AHRR: variants seen among roughly 807,000 people sequenced by gnomAD.
AHRR encodes the protein ahR repressor.
Under a neutral mutation model 44.0 loss-of-function variants are expected in AHRR, and 28 were observed. The observed-to-expected ratio is 0.64, with a 90% confidence interval of 0.47 to 0.87. The LOEUF (loss-of-function observed/expected upper bound fraction) is 0.87. AHRR is among the 40% of genes least tolerant of loss of function. The pLI is 0.00. For synonymous variants in AHRR, 434 were observed against 407.0 expected (o/e 1.07, Z -0.80); for missense variants, 990 against 953.9 (o/e 1.04, Z -0.50).
chr5:346,846 G>A (rs1231637184), intron 2 of AHRR, among the ~76,000 whole-genome samples: 3 of 152,198 alleles, frequency 2.0e-5, no homozygotes, highest in Non-Finnish European at 4.4e-5. Context: ...AGCTTGCTGT[G>A]CCGTGAGTAG....
Position 376,736 on chromosome 5 carries a change from C to A in AHRR, c.351+20C>A. 6.3e-7 allele frequency: 1 copy of A among 1,581,896 alleles called. No individual in the cohort carries two copies. Among genetic ancestry groups the A allele is most frequent in the Non-Finnish European group, 8.6e-7 (1 of 1,161,406 alleles). On this transcript the variant is annotated intron_variant, in intron 4 of 10. Transcript: ENST00000684583. The stretch of plus-strand genomic sequence containing the variant: ...TTGGAGGTGAGTGCCACCCTTGGTA[C>A]CTCGAACACTTGACACTTGGTTCTC...
At chr5:382,325 A>G (rs551183322) in intron 4 of AHRR, among the ~76,000 whole-genome samples, 1 of 152,360 alleles carries the variant, frequency 6.6e-6, no homozygotes, top group South Asian at 2.1e-4. Context: ...AGATTTTTAA[A>G]CCATGAATTC....
At chr5:336,550 T>C (rs1471176233) in intron 1 of AHRR, among the ~76,000 whole-genome samples, 1 of 152,250 alleles carries the variant, frequency 6.6e-6, no homozygotes, top group Non-Finnish European at 1.5e-5. Flanking sequence ...TAGACCCTTA[T>C]CAGATAACAT....
chr5:365,721 T>C (rs1203141064), intron 3 of AHRR, among the ~76,000 whole-genome samples: 1 of 152,088 alleles, frequency 6.6e-6, no homozygotes, highest in Non-Finnish European at 1.5e-5. Context: ...AGAGGAGCTA[T>C]TATGAACAAA....
At chr5:413,516 G>C (rs1195304832) in intron 5 of AHRR, 83 bp downstream of exon 5, 1 of 1,089,770 alleles carries the variant, frequency 9.2e-7, no homozygotes, top group Middle Eastern at 2.0e-4. Context: ...GTCAAGGTTT[G>C]ATAATGTGTA....
intron 4 of AHRR, among the ~76,000 whole-genome samples, chr5:385,267 T>C (rs1054545305): frequency 3.9e-5 from 6 of 152,084 alleles, no homozygotes; most frequent in Non-Finnish European, 8.8e-5. Context: ...CTTGAACTCT[T>C]GGACTCAAGA....
intron 1 of AHRR, 35 bp from the exon 2 acceptor site, chr5:343,858 G>A: frequency 6.3e-7 from 1 of 1,575,294 alleles, no homozygotes; most frequent in Admixed American, 1.8e-5. Flanking sequence ...CGCACGTGGC[G>A]CGTTCCGGTG....
At chr5:377,000 T>C (rs1456007650) in intron 4 of AHRR, among the ~76,000 whole-genome samples, 1 of 152,202 alleles carries the variant, frequency 6.6e-6, no homozygotes, top group Non-Finnish European at 1.5e-5. Context: ...ATCCTCATTC[T>C]GCACCGTCTG....
intron 10 of AHRR, 96 bp from the exon 11 acceptor site, chr5:433,757 T>C: frequency 2.3e-6 from 3 of 1,321,514 alleles, no homozygotes; most frequent in Non-Finnish European, 2.0e-6. Context: ...TTTAGCATCG[T>C]CCTGATTTCG....
rs929638081 is a variant in AHRR at position 382,643 on chromosome 5, A to G, written c.351+5927A>G. ...TCCAATTTTATTGGTACCTGTTCTT[A>G]TCTTTATTATTTTCTTTTCTTTGCT... On this transcript the variant is annotated intron_variant, in intron 4 of 10. Coordinates refer to ENST00000684583, the MANE Select transcript of AHRR (RefSeq NM_001377236.1). 4.5e-4 allele frequency among the ~76,000 whole-genome samples: 68 copies of G among 151,332 alleles called. 1 individual carries two copies. The highest frequency in any genetic ancestry group is 1.6e-3 in the African/African-American group (66 of 41,174).
chr5:410,058 G>T lies in AHRR; in HGVS notation c.352-3286G>T, dbSNP rs553678590. ...GATTGACCTAGTGCCTTGGCTGAGG[G>T]TCAGCTTGTCTATCCTGACCTTGTC... On this transcript the variant is annotated intron_variant, in intron 4 of 10. Transcript: ENST00000684583. Among the ~76,000 whole-genome samples, 3 of 152,328 alleles carry T rather than the reference G, an allele frequency of 2.0e-5. No homozygotes were observed. In the South Asian group the frequency reaches 6.2e-4, roughly 32 times the overall value.
chr5:325,403 C>T (rs1459500722), intron 1 of AHRR, among the ~76,000 whole-genome samples: 1 of 152,232 alleles, frequency 6.6e-6, no homozygotes, highest in Non-Finnish European at 1.5e-5. Context: ...GTTCTCCCCA[C>T]CAGACTGGGG....
intron 3 of AHRR, among the ~76,000 whole-genome samples, chr5:364,378 T>C (rs999235149): frequency 6.6e-6 from 1 of 152,158 alleles, no homozygotes; most frequent in Non-Finnish European, 1.5e-5. Flanking sequence ...ATAATGGTGA[T>C]ATAAGAATTT....
chr5:434,135 C>T lies in AHRR; in HGVS notation c.1395C>T (p.Ser465=), dbSNP rs1464747780. The change falls in exon 11 of 11, where the codon AGC becomes AGT. Residue 465 remains serine (S), a synonymous_variant. Coordinates refer to ENST00000684583, the MANE Select transcript of AHRR (RefSeq NM_001377236.1). ...CCAGTGCCTACTCCAGCCGGACCAG[C>T]AGACCCATGCGGGATGTCGGTGAGG... ...PSPSAYSSRT[S]RPMRDVGEDQ... is the part of the protein sequence containing the mutation. 5 of 1,611,616 alleles carry T rather than the reference C, an allele frequency of 3.1e-6. No individual in the cohort carries two copies. The South Asian group carries it at 5.5e-5, about 18-fold the overall frequency.
intron 4 of AHRR, among the ~76,000 whole-genome samples, chr5:398,796 G>C (rs943976348): frequency 1.3e-5 from 2 of 152,310 alleles, no homozygotes; most frequent in African/African-American, 4.8e-5. Flanking sequence ...TGGGTCCTGC[G>C]GGCTCCGGAG....
intron 3 of AHRR, among the ~76,000 whole-genome samples, chr5:364,874 G>A (rs1230036638): frequency 6.6e-6 from 1 of 151,852 alleles, no homozygotes; most frequent in African/African-American, 2.4e-5. Flanking sequence ...TTGATTTTGG[G>A]GTAAAAAGCA....
intron 3 of AHRR, among the ~76,000 whole-genome samples, chr5:358,647 A>G (rs374908148): frequency 1.1e-3 from 1 of 940 alleles, no homozygotes; most frequent in Non-Finnish European, 2.0e-3. Flanking sequence ...GAGCGCCCGC[A>G]AGTGGAGGCC....
At chr5:403,358 C>T (rs998181082) in intron 4 of AHRR, among the ~76,000 whole-genome samples, 7 of 152,114 alleles carry the variant, frequency 4.6e-5, no homozygotes, top group Admixed American at 2.0e-4. Flanking sequence ...CCACTTAGGT[C>T]GGGTGCAGTG....
At chr5:430,698 C>T (rs1300038434) in intron 8 of AHRR, among the ~76,000 whole-genome samples, 5 of 152,216 alleles carry the variant, frequency 3.3e-5, no homozygotes, top group East Asian at 1.9e-4. Flanking sequence ...TTGGTTTCCA[C>T]GTTCGTTACT....
Sources: gnomAD v4.1 joint callset for allele counts (sites outside exome capture counted in the v4.1 genomes callset) on GRCh38, gnomAD v4.1.1 for gene constraint, MANE v1.5 for transcripts, NCBI Gene and HGNC (gene_info 2026-07-23, HGNC 2026-07-21) for gene names.